The following NSMCE2 variants were observed in gnomAD, a reference collection of about 807,000 sequenced individuals.
The protein encoded by NSMCE2 is NSE2 SUMO ligase component of SMC5/6 complex, also known as E3 SUMO-protein ligase NSE2.
Under a neutral mutation model 23.8 loss-of-function variants are expected in NSMCE2, and 24 were observed. That is an observed-to-expected ratio of 1.01 (90% CI 0.73 to 1.42). NSMCE2 has a LOEUF of 1.42. Ranked by LOEUF, NSMCE2 falls within the 40% of genes most tolerant of loss-of-function variation. The pLI, the probability that NSMCE2 is intolerant of heterozygous loss-of-function variation, is 0.00. For synonymous variants in NSMCE2, 92 were observed against 94.1 expected (o/e 0.98, Z 0.13); for missense variants, 284 against 296.5 (o/e 0.96, Z 0.31).
chr8:125,255,458 A>T (rs1015515784), intron 5 of NSMCE2, among the ~76,000 whole-genome samples: 28 of 152,142 alleles, frequency 1.8e-4, no homozygotes, highest in African/African-American at 6.3e-4. Flanking sequence ...AGACTCCCTC[A>T]ATGAATGAGA....
chr8:125,127,200 A>G (rs927541358), intron 3 of NSMCE2: 1 of 152,190 alleles, frequency 6.6e-6, no homozygotes, highest in African/African-American at 2.4e-5. Flanking sequence ...TTTACTTCTC[A>G]ACTTGGTTGA....
intron 4 of NSMCE2, among the ~76,000 whole-genome samples, chr8:125,154,610 A>G (rs966224605): frequency 1.3e-5 from 2 of 152,076 alleles, no homozygotes; most frequent in Admixed American, 6.5e-5. Flanking sequence ...TAAGTCATTT[A>G]TAAAAACTTT....
chr8:125,317,215 G>A (rs1176046756), intron 5 of NSMCE2, among the ~76,000 whole-genome samples: 1 of 147,174 alleles, frequency 6.8e-6, no homozygotes, highest in East Asian at 2.0e-4. Context: ...TTTTTTTATT[G>A]GAGACAGGGT....
chr8:125,346,996 G>T (rs760648384), intron 5 of NSMCE2, among the ~76,000 whole-genome samples: 1 of 152,174 alleles, frequency 6.6e-6, no homozygotes, highest in Non-Finnish European at 1.5e-5. Flanking sequence ...CTTCAGAGGA[G>T]TGTGTCGAAA....
At chr8:125,186,008 C>T (rs559638404) in intron 5 of NSMCE2, among the ~76,000 whole-genome samples, 92 of 152,294 alleles carry the variant, frequency 6.0e-4, no homozygotes, top group Admixed American at 1.8e-3. Flanking sequence ...TTTGACAACT[C>T]TAGATCTAGG....
intron 3 of NSMCE2, among the ~76,000 whole-genome samples, chr8:125,127,811 G>C (rs1205155785): frequency 6.6e-6 from 1 of 152,168 alleles, no homozygotes; most frequent in African/African-American, 2.4e-5. Flanking sequence ...TACATAATGA[G>C]ATACCTTGGG....
chr8:125,216,058 A>AAAAC (rs1824567605), intron 5 of NSMCE2, among the ~76,000 whole-genome samples: 1 of 152,202 alleles, frequency 6.6e-6, no homozygotes, highest in Admixed American at 6.5e-5. Context: ...TCTGTCTCTT[A>AAAAC]AAACAAACAA....
chr8:125,130,194 G>A, intron 3 of NSMCE2: 1 of 454,368 alleles, frequency 2.2e-6, no homozygotes, highest in Non-Finnish European at 4.4e-6. Flanking sequence ...GTCTTATTAT[G>A]ATTAGATTTG....
chr8:125,353,902 A>AATAT (rs140804833), intron 5 of NSMCE2, among the ~76,000 whole-genome samples: 257 of 146,142 alleles, frequency 1.8e-3, no homozygotes, highest in African/African-American at 5.3e-3. Context: ...AAAAATAAAA[A>AATAT]ATATATATAT....
chr8:125,184,958 C>T (rs1586579932), intron 5 of NSMCE2, among the ~76,000 whole-genome samples: 1 of 152,178 alleles, frequency 6.6e-6, no homozygotes, highest in East Asian at 1.9e-4. Context: ...CTTCTAGATG[C>T]CTGTTTTGAC....
intron 5 of NSMCE2, among the ~76,000 whole-genome samples, chr8:125,214,270 C>T (rs1824479902): frequency 6.6e-6 from 1 of 152,102 alleles, no homozygotes; most frequent in South Asian, 2.1e-4. Context: ...AGAATATACA[C>T]AAACAGTAAG....
intron 5 of NSMCE2, among the ~76,000 whole-genome samples, chr8:125,344,671 A>G (rs891715733): frequency 6.6e-6 from 1 of 151,202 alleles, no homozygotes; most frequent in African/African-American, 2.4e-5. Flanking sequence ...TGAACCCAGG[A>G]GGCAGAGGCT....
chr8:125,310,181 G>A (rs886575256), intron 5 of NSMCE2, among the ~76,000 whole-genome samples: 2 of 152,164 alleles, frequency 1.3e-5, no homozygotes, highest in Non-Finnish European at 2.9e-5. Context: ...AGTCCTAAAG[G>A]GCACCTAGGA....
At chr8:125,295,276 A>G (rs1455539910) in intron 5 of NSMCE2, among the ~76,000 whole-genome samples, 1 of 152,128 alleles carries the variant, frequency 6.6e-6, no homozygotes, top group East Asian at 1.9e-4. Context: ...GTTTCTGTCA[A>G]AGAAAGAAAA....
intron 5 of NSMCE2, among the ~76,000 whole-genome samples, chr8:125,286,871 T>A (rs1367348916): frequency 6.6e-6 from 1 of 150,676 alleles, no homozygotes. Context: ...CCTAAGAAAA[T>A]CATATGTGTG....
intron 3 of NSMCE2, among the ~76,000 whole-genome samples, chr8:125,137,201 A>G (rs528846443): frequency 6.6e-6 from 1 of 152,270 alleles, no homozygotes; most frequent in Admixed American, 6.5e-5. Flanking sequence ...CCTGAAAGAA[A>G]TGTTTCTCCC....
At chr8:125,149,211 A>G (rs1257731507) in intron 3 of NSMCE2, among the ~76,000 whole-genome samples, 1 of 152,118 alleles carries the variant, frequency 6.6e-6, no homozygotes, top group Non-Finnish European at 1.5e-5. Context: ...TTACATTGAG[A>G]TATTTGTGTA....
chr8:125,160,677 G>A (rs955550368), intron 4 of NSMCE2, among the ~76,000 whole-genome samples: 5 of 152,214 alleles, frequency 3.3e-5, no homozygotes, highest in African/African-American at 9.6e-5. Context: ...AGTGATGAGG[G>A]GGTCATTCTA....
At chr8:125,362,793 G>C (rs1193983199) in intron 7 of NSMCE2, among the ~76,000 whole-genome samples, 2 of 152,180 alleles carry the variant, frequency 1.3e-5, no homozygotes, top group Non-Finnish European at 2.9e-5. Context: ...AGTGAACTCA[G>C]ACCTTGTTTG....
Sources: gnomAD v4.1 joint callset for allele counts (sites outside exome capture counted in the v4.1 genomes callset) on GRCh38, gnomAD v4.1.1 for gene constraint, MANE v1.5 for transcripts, NCBI Gene and HGNC (gene_info 2026-07-23, HGNC 2026-07-21) for gene names.